Variants in TENM2 observed in about 807,000 individuals in gnomAD.
The protein encoded by TENM2 is teneurin transmembrane protein 2, also known as teneurin-2.
TENM2 carries 52 observed loss-of-function variants against 245.2 expected under a neutral mutation model. The ratio of observed to expected loss-of-function variants is 0.21; its 90% confidence interval spans 0.17 to 0.27. The LOEUF is 0.27. Among genes scored for constraint, TENM2 ranks in the 10% least tolerant of loss-of-function variants. The pLI is 1.00. For synonymous variants in TENM2, 1,363 were observed against 1,438.9 expected (o/e 0.95, Z 1.19); for missense variants, 3,046 against 3,666.8 (o/e 0.83, Z 4.37).
chr5:168,111,037 C>T (rs1324552810), intron 9 of TENM2, among the ~76,000 whole-genome samples: 3 of 152,116 alleles, frequency 2.0e-5, no homozygotes. Context: ...TTTAACACAC[C>T]CCAGCATGCT....
In TENM2 at chr5:168,145,927, A is replaced by ATTCTC. The variant is rs571394113; in HGVS notation, c.2423-16681_2423-16677dup. ...TGTAAGTTGGATTCCTAGGTATTTTATTCTCTTTGAAGCAATTGTGAATGG... is the reference window on the plus strand; with the variant it reads ...TGTAAGTTGGATTCCTAGGTATTTTATTCTCTTCTCTTTGAAGCAATTGTGAATGG... On this transcript the variant is annotated intron_variant, in intron 12 of 28. Transcript: ENST00000518659. 1.2e-4 allele frequency among the ~76,000 whole-genome samples: 16 copies of ATTCTC among 138,362 alleles called. No homozygotes were observed. In the East Asian group the frequency reaches 2.7e-3, roughly 23 times the overall value. The allele number at this position is 138,362 out of a possible 152,430, so 90.8% of individuals were successfully genotyped here.
chr5:167,502,970 C>CG (rs568322730), intron 2 of TENM2, among the ~76,000 whole-genome samples: 283 of 152,290 alleles, frequency 1.9e-3, no homozygotes, highest in African/African-American at 6.5e-3. Context: ...GCTGCGACTA[C>CG]AGGCGCACGC....
intron 1 of TENM2, among the ~76,000 whole-genome samples, chr5:167,307,679 C>T (rs1755758458): frequency 6.6e-6 from 1 of 152,202 alleles, no homozygotes; most frequent in Non-Finnish European, 1.5e-5. Context: ...ACATCACCTG[C>T]TGGTGAGGTC....
chr5:167,609,315 T>C (rs931502779), intron 2 of TENM2, among the ~76,000 whole-genome samples: 3 of 151,998 alleles, frequency 2.0e-5, no homozygotes, highest in Non-Finnish European at 2.9e-5. Context: ...GTCCACAATA[T>C]CAATTGTACT....
intron 2 of TENM2, among the ~76,000 whole-genome samples, chr5:167,549,169 T>C (rs1326652998): frequency 6.6e-5 from 10 of 152,184 alleles, no homozygotes; most frequent in Admixed American, 6.5e-4. Context: ...CAGGAATGAA[T>C]TTCAACATAT....
At chr5:168,160,232 A>G (rs1336509471) in intron 12 of TENM2, among the ~76,000 whole-genome samples, 1 of 152,142 alleles carries the variant, frequency 6.6e-6, no homozygotes, top group African/African-American at 2.4e-5. Flanking sequence ...GTCTTTTCCT[A>G]CTGAGCTCAT....
chr5:168,231,313 A>T (rs1257424674), intron 25 of TENM2, among the ~76,000 whole-genome samples: 1 of 152,238 alleles, frequency 6.6e-6, no homozygotes, highest in African/African-American at 2.4e-5. Context: ...GAGGAGCTGG[A>T]ATCATTTCTG....
the TENM2 span, among the ~76,000 whole-genome samples, chr5:167,132,192 A>G: frequency 1.1e-4 from 17 of 152,244 alleles, no homozygotes; most frequent in Non-Finnish European, 2.4e-4. Context: ...TATATAACAT[A>G]AAAAGCTAAG....
chr5:167,411,958 C>G (rs978813932), intron 2 of TENM2, among the ~76,000 whole-genome samples: 2 of 152,036 alleles, frequency 1.3e-5, no homozygotes, highest in African/African-American at 4.8e-5. Flanking sequence ...ATACTTACTA[C>G]TTAAATGCAA....
the TENM2 span, among the ~76,000 whole-genome samples, chr5:167,096,086 T>C: frequency 2.6e-5 from 4 of 152,268 alleles, no homozygotes; most frequent in South Asian, 8.3e-4. Flanking sequence ...AAGTTTTATT[T>C]TGCCCCTTTG....
the TENM2 span, among the ~76,000 whole-genome samples, chr5:167,040,670 A>G: frequency 3.9e-5 from 6 of 152,180 alleles, no homozygotes; most frequent in African/African-American, 7.2e-5. Flanking sequence ...TAAATGAATT[A>G]CCATGCAAAG....
At chr5:167,492,425 A>T (rs1265554701) in intron 2 of TENM2, among the ~76,000 whole-genome samples, 1 of 152,138 alleles carries the variant, frequency 6.6e-6, no homozygotes, top group African/African-American at 2.4e-5. Context: ...AAGATAATGC[A>T]TGCGATGGGC....
intron 2 of TENM2, among the ~76,000 whole-genome samples, chr5:167,857,228 T>C (rs1253568217): frequency 6.6e-6 from 1 of 152,222 alleles, no homozygotes; most frequent in Non-Finnish European, 1.5e-5. Context: ...TCAAGCTGAA[T>C]GTGGCTCTTT....
the TENM2 span, among the ~76,000 whole-genome samples, chr5:167,053,174 C>G: frequency 2.0e-5 from 3 of 152,134 alleles, no homozygotes; most frequent in Admixed American, 6.5e-5. Context: ...TTTTCCCAGA[C>G]TGAAGTATTT....
chr5:167,075,839 A>G, the TENM2 span, among the ~76,000 whole-genome samples: 1 of 152,068 alleles, frequency 6.6e-6, no homozygotes. Context: ...AGAAATACCC[A>G]CCTACTTGCA....
intron 2 of TENM2, among the ~76,000 whole-genome samples, chr5:167,606,654 A>T (rs1777075689): frequency 6.6e-6 from 1 of 152,158 alleles, no homozygotes; most frequent in African/African-American, 2.4e-5. Flanking sequence ...GTCATTTGGG[A>T]ACTTTTAATA....
chr5:167,302,496 G>A (rs574389587), intron 1 of TENM2, among the ~76,000 whole-genome samples: 1 of 151,340 alleles, frequency 6.6e-6, no homozygotes, highest in African/African-American at 2.4e-5. Flanking sequence ...ATAAGGGGTT[G>A]GGGTGCAGAG....
At chr5:167,897,018 C>T (rs1031215555) in intron 3 of TENM2, among the ~76,000 whole-genome samples, 5 of 152,226 alleles carry the variant, frequency 3.3e-5, no homozygotes, top group Admixed American at 6.5e-5. Flanking sequence ...ATGAGCTTAA[C>T]TCGGTTGGTC....
the TENM2 span, among the ~76,000 whole-genome samples, chr5:167,266,056 A>G: frequency 6.6e-6 from 1 of 152,096 alleles, no homozygotes; most frequent in Non-Finnish European, 1.5e-5. Flanking sequence ...AGGTATAGAG[A>G]CTCAATAAAG....
Sources: allele counts gnomAD v4.1 joint callset (sites outside exome capture counted in the v4.1 genomes callset), GRCh38; gene constraint gnomAD v4.1.1; transcripts MANE v1.5; gene names NCBI Gene and HGNC (gene_info 2026-07-23, HGNC 2026-07-21).